Variants in CLTB observed in about 807,000 individuals in gnomAD.
CLTB encodes clathrin light chain B.
A neutral mutation model predicts 30.5 loss-of-function variants in CLTB; 10 were observed. The ratio of observed to expected loss-of-function variants is 0.33; its 90% CI spans 0.20 to 0.56. The LOEUF (loss-of-function observed/expected upper bound fraction) is 0.56, where lower values mean the gene tolerates loss of function less well. CLTB is among the 20% of genes least tolerant of loss of function. CLTB has a pLI of 0.91. For missense variants in CLTB, 261 were observed against 308.3 expected (o/e 0.85, Z 1.15); for synonymous variants, 102 against 120.3 (o/e 0.85, Z 1.00).
intron 1 of CLTB, among the ~76,000 whole-genome samples, chr5:176,410,793 T>G (rs558640045): frequency 1.3e-5 from 2 of 152,344 alleles, no homozygotes; most frequent in African/African-American, 4.8e-5. Context: ...CTTGAGCAAC[T>G]GCTCCTCCTG....
At chr5:176,397,576 T>A (rs192015466) in intron 4 of CLTB, 31 bp downstream of exon 4, 9 of 519,654 alleles carry the variant, frequency 1.7e-5, no homozygotes, top group Non-Finnish European at 2.3e-5. Context: ...CATGTCCCCA[T>A]GGCCCCCTCA....
At chr5:176,415,874 G>A (rs1022301396) in intron 1 of CLTB, among the ~76,000 whole-genome samples, 7 of 152,194 alleles carry the variant, frequency 4.6e-5, no homozygotes, top group African/African-American at 1.7e-4. Flanking sequence ...GGAGGCTCAG[G>A]AGGGACTCTC....
chr5:176,404,208 C>T (rs997698457), intron 2 of CLTB, among the ~76,000 whole-genome samples: 14 of 152,302 alleles, frequency 9.2e-5, no homozygotes, highest in East Asian at 1.9e-4. Context: ...ACTTCTGTGA[C>T]GCATAGTTTG....
chr5:176,415,293 C>T (rs1294217166), intron 1 of CLTB, among the ~76,000 whole-genome samples: 1 of 152,172 alleles, frequency 6.6e-6, no homozygotes, highest in South Asian at 2.1e-4. Context: ...CTGACTGATG[C>T]CTCTTTGTGG....
At position 176,409,292 on chromosome 5, in the gene CLTB, T is replaced by C. The variant is rs1423935545; in HGVS notation, c.234+965A>G. ...CCCAGCCCAAACATATTTTTAAAAT[T>C]GAAAAAAAAAAAAAAAAAAAGGACC... On this transcript the variant is annotated intron_variant, in intron 2 of 5. Transcript: ENST00000310418. 9.5e-4 allele frequency among the ~76,000 whole-genome samples: 66 copies of C among 69,574 alleles called. No individual in the cohort carries two copies. In the East Asian group the frequency reaches 0.024, roughly 25 times the overall value. The allele number at this position is 69,574 out of a possible 152,430, so 45.6% of individuals were successfully genotyped here. A position where few individuals can be genotyped will look rare whatever the true frequency, so the allele number is the denominator to read the frequency against.
chr5:176,414,899 A>G (rs1386553603), intron 1 of CLTB, among the ~76,000 whole-genome samples: 5 of 152,250 alleles, frequency 3.3e-5, no homozygotes, highest in African/African-American at 1.2e-4. Context: ...GACACACAGT[A>G]GGTGCTCAGT....
chr5:176,404,369 G>T (rs772054720), intron 2 of CLTB, among the ~76,000 whole-genome samples: 1 of 152,254 alleles, frequency 6.6e-6, no homozygotes, highest in Non-Finnish European at 1.5e-5. Context: ...TTTGTGAGAA[G>T]CGTCCGGGGC....
intron 2 of CLTB, among the ~76,000 whole-genome samples, chr5:176,408,256 G>A (rs1346370977): frequency 4.0e-5 from 6 of 150,984 alleles, no homozygotes; most frequent in Non-Finnish European, 8.8e-5. Context: ...CTGTCATGCC[G>A]GGCACGGTGG....
At position 176,393,420 on chromosome 5, in the gene CLTB, A is replaced by AG. The variant is rs1372135923; in HGVS notation, c.519-476dup. On this transcript the variant is annotated intron_variant, in intron 5 of 5. Coordinates refer to ENST00000310418, the MANE Select transcript of CLTB (RefSeq NM_007097.5). The surrounding 1 kb of genome is among the most constrained non-coding windows in gnomAD (Gnocchi z 4.4). ...GACTAACCATCTAACAGAAGCACCTAGTTCAGCATTGCCTGAATGTTCTGT... is the reference window on the plus strand; with the variant it reads ...GACTAACCATCTAACAGAAGCACCTAGGTTCAGCATTGCCTGAATGTTCTGT... Among the ~76,000 whole-genome samples the AG allele has an allele frequency of 4.6e-5, 7 of 152,224 alleles. No homozygotes were observed. The highest frequency in any genetic ancestry group is 1.7e-4 in the African/African-American group (7 of 41,464).
chr5:176,411,051 C>T (rs368099741), intron 1 of CLTB, among the ~76,000 whole-genome samples: 4 of 152,238 alleles, frequency 2.6e-5, no homozygotes, highest in East Asian at 1.9e-4. Flanking sequence ...CTGCTTTGCC[C>T]GCTAGGGGCA....
chr5:176,399,024 A>G (rs1230084719), intron 2 of CLTB, among the ~76,000 whole-genome samples: 4 of 152,008 alleles, frequency 2.6e-5, no homozygotes, highest in African/African-American at 9.7e-5. Flanking sequence ...TTGTAGTTTT[A>G]GTAGAGACGG....
chr5:176,415,144 T>C (rs189451233), intron 1 of CLTB, among the ~76,000 whole-genome samples: 9 of 152,160 alleles, frequency 5.9e-5, no homozygotes, highest in Non-Finnish European at 1.5e-5. Context: ...AGAAACATCA[T>C]TGATAAAGAT....
At position 176,397,945 on chromosome 5, in the gene CLTB, G is replaced by T. The variant is rs754031956; in HGVS notation, c.337C>A (p.Arg113=). 1 of 1,613,784 alleles carries T rather than the reference G, an allele frequency of 6.2e-7. No homozygotes were observed. The highest frequency in any genetic ancestry group is 1.7e-5 in the Admixed American group (1 of 60,012). Residue 113 remains arginine (R), a synonymous_variant, in exon 3 of 6, where the codon CGG becomes AGG. Coordinates refer to ENST00000310418, the MANE Select transcript of CLTB (RefSeq NM_007097.5). ...CCGCCCTCACCCAGCTCTTGCAGCCGTTTCCTCTGCTCCTCTCGCCACTTG... is the reference window on the plus strand; with the variant it reads ...CCGCCCTCACCCAGCTCTTGCAGCCTTTTCCTCTGCTCCTCTCGCCACTTG... ...IRKWREEQRK[R]LQELDAASKV...
At chr5:176,397,879 C>T (rs1756624083) in intron 3 of CLTB, 51 bp downstream of exon 3, 11 of 1,538,318 alleles carry the variant, frequency 7.2e-6, no homozygotes, top group Non-Finnish European at 9.9e-6. Flanking sequence ...TCCCCACACT[C>T]CACCCCACAC....
Position 176,416,465 on chromosome 5 carries a change from G to C in CLTB, c.-102C>G. On this transcript the variant is annotated 5_prime_UTR_variant, in exon 1 of 6. Coordinates refer to ENST00000310418, the MANE Select transcript of CLTB (RefSeq NM_007097.5). Reference sequence around the variant, plus strand: ...CGACGCTGTCACCCGAGCCGCGGGGGAGCCGGCGTCGGCGGGGACGGGCTT... The same window carrying C: ...CGACGCTGTCACCCGAGCCGCGGGGCAGCCGGCGTCGGCGGGGACGGGCTT... The C allele has an allele frequency of 1.2e-6, 1 of 849,380 alleles. No individual in the cohort carries two copies. Among genetic ancestry groups the C allele is most frequent in the Non-Finnish European group, 1.6e-6 (1 of 643,390 alleles). 52.6% of individuals were successfully genotyped at this position (849,380 alleles called of 1,614,324 possible).
At chr5:176,408,490 C>T (rs1356328110) in intron 2 of CLTB, among the ~76,000 whole-genome samples, 2 of 150,424 alleles carry the variant, frequency 1.3e-5, no homozygotes, top group African/African-American at 2.4e-5. Context: ...GAGCCGAGAT[C>T]GTGCCATTGC....
At chr5:176,406,306 G>C in intron 2 of CLTB, 1 of 1,058,468 alleles carries the variant, frequency 9.4e-7, no homozygotes, top group Non-Finnish European at 1.1e-6. Context: ...GGAGGCGACA[G>C]TCAGGGCCAG....
At chr5:176,414,615 G>C (rs2113690847) in intron 1 of CLTB, among the ~76,000 whole-genome samples, 1 of 152,074 alleles carries the variant, frequency 6.6e-6, no homozygotes, top group East Asian at 1.9e-4. Context: ...GCTAATTTTT[G>C]TATGTTTTGT....
At chr5:176,404,015 A>G (rs1045715014) in intron 2 of CLTB, among the ~76,000 whole-genome samples, 4 of 152,150 alleles carry the variant, frequency 2.6e-5, no homozygotes, top group African/African-American at 4.8e-5. Flanking sequence ...TCAGCCTCCC[A>G]AAGTGCTGGG....
Sources: gnomAD v4.1 joint callset for allele counts (sites outside exome capture counted in the v4.1 genomes callset) on GRCh38, gnomAD v4.1.1 for gene constraint, Gnocchi (gnomAD v3.1) non-coding constraint, MANE v1.5 for transcripts, NCBI Gene and HGNC (gene_info 2026-07-23, HGNC 2026-07-21) for gene names.